CADM2: variants seen among roughly 807,000 people sequenced by gnomAD.
CADM2 encodes the protein immunoglobulin superfamily member 4D.
Under a neutral mutation model 49.8 loss-of-function variants are expected in CADM2, and 12 were observed. That is an observed-to-expected ratio of 0.24 (90% CI 0.15 to 0.39). The LOEUF is 0.39. Among genes scored for constraint, CADM2 ranks in the 10% least tolerant of loss-of-function variants. The pLI, the probability that CADM2 is intolerant of heterozygous loss-of-function variation, is 1.00. For missense variants in CADM2, 378 were observed against 492.3 expected (o/e 0.77, Z 2.20); for synonymous variants, 214 against 175.4 (o/e 1.22, Z -1.74).
At chr3:84,977,928 C>G (rs1016021364) in intron 1 of CADM2, among the ~76,000 whole-genome samples, 19 of 152,028 alleles carry the variant, frequency 1.2e-4, no homozygotes, top group African/African-American at 4.6e-4. Context: ...ACCTGACATT[C>G]TGGGGGAACC....
intron 2 of CADM2, among the ~76,000 whole-genome samples, chr3:85,727,176 C>T (rs1030448287): frequency 2.0e-5 from 3 of 151,932 alleles, no homozygotes; most frequent in African/African-American, 7.2e-5. Flanking sequence ...GTATCATAGA[C>T]CTATCATTTA....
At chr3:85,300,976 G>A (rs2044083960) in intron 1 of CADM2, among the ~76,000 whole-genome samples, 1 of 152,072 alleles carries the variant, frequency 6.6e-6, no homozygotes, top group South Asian at 2.1e-4. Context: ...TCAGAAGCAA[G>A]CAAACCAAGT....
At chr3:85,666,515 AT>A (rs756791720) in intron 1 of CADM2, among the ~76,000 whole-genome samples, 56 of 151,972 alleles carry the variant, frequency 3.7e-4, no homozygotes, top group Admixed American at 2.4e-3. Flanking sequence ...ACACAAAAAA[AT>A]ATTTAATATA....
intron 1 of CADM2, among the ~76,000 whole-genome samples, chr3:85,052,684 T>A (rs2035928182): frequency 6.6e-6 from 1 of 152,074 alleles, no homozygotes; most frequent in Non-Finnish European, 1.5e-5. Flanking sequence ...TAAACAAAAA[T>A]GTGTTTTTCA....
chr3:85,972,165 A>G (rs1468434138), intron 8 of CADM2, among the ~76,000 whole-genome samples: 1 of 151,680 alleles, frequency 6.6e-6, no homozygotes, highest in African/African-American at 2.4e-5. Flanking sequence ...AGGCTGCTGC[A>G]TGTAGCTGAG....
At chr3:85,685,621 T>C (rs2066182677) in intron 1 of CADM2, among the ~76,000 whole-genome samples, 1 of 146,752 alleles carries the variant, frequency 6.8e-6, no homozygotes, top group South Asian at 2.1e-4. Flanking sequence ...CTTTCTTTTT[T>C]TTTTTTTTTT....
chr3:86,012,834 G>A (rs1055244893), intron 8 of CADM2: 11 of 535,666 alleles, frequency 2.1e-5, no homozygotes, highest in African/African-American at 3.8e-5. Context: ...AATTAGCCGG[G>A]AGCGGTGGCG....
intron 1 of CADM2, among the ~76,000 whole-genome samples, chr3:85,703,861 C>T (rs2066857421): frequency 6.6e-6 from 1 of 152,160 alleles, no homozygotes; most frequent in African/African-American, 2.4e-5. Flanking sequence ...ACCCCCATAC[C>T]ATCTTCTACT....
chr3:85,892,727 G>A (rs530460888), intron 5 of CADM2, among the ~76,000 whole-genome samples: 1 of 152,220 alleles, frequency 6.6e-6, no homozygotes, highest in South Asian at 2.1e-4. Context: ...AGCAGCATGA[G>A]ACAGACTAAT....
chr3:85,863,538 C>G (rs2108329377), intron 3 of CADM2, among the ~76,000 whole-genome samples: 1 of 152,300 alleles, frequency 6.6e-6, no homozygotes, highest in South Asian at 2.1e-4. Flanking sequence ...CTTTTTCTCT[C>G]TGTCTCACAC....
At chr3:85,271,722 T>A (rs1472314539) in intron 1 of CADM2, among the ~76,000 whole-genome samples, 2 of 150,002 alleles carry the variant, frequency 1.3e-5, no homozygotes, top group East Asian at 2.0e-4. Flanking sequence ...TAAAAAAAAA[T>A]AAGTAAAATC....
chr3:85,188,245 CT>C (rs1244946936), intron 1 of CADM2, among the ~76,000 whole-genome samples: 1 of 151,948 alleles, frequency 6.6e-6, no homozygotes, highest in Non-Finnish European at 1.5e-5. Flanking sequence ...CTTATGCATT[CT>C]TATTTTTATT....
At chr3:85,857,370 T>C (rs1033545033) in intron 3 of CADM2, among the ~76,000 whole-genome samples, 6 of 152,136 alleles carry the variant, frequency 3.9e-5, no homozygotes, top group Admixed American at 2.6e-4. Flanking sequence ...AATGTCCCAA[T>C]AGCCCTAGGA....
chr3:85,885,924 T>C (rs905138010), intron 4 of CADM2, among the ~76,000 whole-genome samples: 1 of 151,830 alleles, frequency 6.6e-6, no homozygotes, highest in Non-Finnish European at 1.5e-5. Flanking sequence ...TACATACTTT[T>C]TTGATACTAT....
chr3:85,009,720 A>G (rs556876747), intron 1 of CADM2, among the ~76,000 whole-genome samples: 69 of 151,730 alleles, frequency 4.5e-4, no homozygotes, highest in African/African-American at 1.6e-3. Context: ...GAAAAAATCA[A>G]CTGGGTGTGG....
At chr3:85,002,786 C>CT (rs1381650006) in intron 1 of CADM2, among the ~76,000 whole-genome samples, 1 of 151,648 alleles carries the variant, frequency 6.6e-6, no homozygotes, top group East Asian at 1.9e-4. Flanking sequence ...TTCTTTTTTT[C>CT]TTTGTTTCTT....
chr3:85,934,519 G>A (rs1475053541), intron 6 of CADM2, among the ~76,000 whole-genome samples: 2 of 151,856 alleles, frequency 1.3e-5, no homozygotes, highest in African/African-American at 4.8e-5. Context: ...TATTTACTGT[G>A]ATGTATTTTG....
intron 1 of CADM2, among the ~76,000 whole-genome samples, chr3:85,683,373 C>T (rs146670450): frequency 5.3e-5 from 8 of 152,208 alleles, no homozygotes; most frequent in African/African-American, 1.9e-4. Flanking sequence ...TGATGCTCTC[C>T]CTGTCTTAAC....
In CADM2 at chr3:86,068,103, C is replaced by T. The variant is rs1027136099; in HGVS notation, c.*1320C>T. ...AAGATATGTTTTCTGTATAAATGAA[C>T]TAATTCTTTATATTAAATTCCTGTC... is the stretch of plus-strand genomic sequence containing the variant. On this transcript the variant is annotated 3_prime_UTR_variant, in exon 10 of 10. Coordinates refer to ENST00000383699, the MANE Select transcript of CADM2 (RefSeq NM_001167675.2). 2.0e-5 allele frequency: 3 copies of T among 152,392 alleles called. No homozygotes were observed. The highest frequency in any genetic ancestry group is 2.9e-5 in the Non-Finnish European group (2 of 67,842). The allele number at this position is 152,392 out of a possible 1,614,324, so 9.4% of individuals were successfully genotyped here.
Sources: allele counts gnomAD v4.1 joint callset (sites outside exome capture counted in the v4.1 genomes callset), GRCh38; gene constraint gnomAD v4.1.1; transcripts MANE v1.5; gene names NCBI Gene and HGNC (gene_info 2026-07-23, HGNC 2026-07-21).